TENM3: variants seen among roughly 807,000 people sequenced by gnomAD.
TENM3 encodes the protein teneurin transmembrane protein 3.
Under a neutral mutation model 255.1 loss-of-function variants are expected in TENM3, and 63 were observed. That is an observed-to-expected ratio of 0.25 (90% confidence interval 0.20 to 0.30). TENM3 has a LOEUF of 0.30. Among genes scored for constraint, TENM3 ranks in the 10% least tolerant of loss-of-function variants. The probability of loss-of-function intolerance (pLI) is 1.00; values close to 1 mark genes in which losing one functional copy is unlikely to be tolerated. For synonymous variants in TENM3, 1,306 were observed against 1,322.3 expected (o/e 0.99, Z 0.27); for missense variants, 2,929 against 3,461.1 (o/e 0.85, Z 3.86).
the TENM3 span, among the ~76,000 whole-genome samples, chr4:181,555,144 A>G: frequency 2.0e-5 from 3 of 152,214 alleles, no homozygotes; most frequent in Admixed American, 2.0e-4. Flanking sequence ...CCTACATGGT[A>G]GGCAGACCAA....
At chr4:182,765,369 C>T (rs991838690) in intron 22 of TENM3, among the ~76,000 whole-genome samples, 3 of 152,164 alleles carry the variant, frequency 2.0e-5, no homozygotes, top group African/African-American at 7.2e-5. Flanking sequence ...CCACTTTCTC[C>T]TACTGGATAC....
chr4:182,443,318 G>A (rs909263590), intron 3 of TENM3, among the ~76,000 whole-genome samples: 6 of 152,116 alleles, frequency 3.9e-5, no homozygotes, highest in African/African-American at 1.4e-4. Flanking sequence ...TGAATCCAAT[G>A]TGCCAGGGAT....
In TENM3 at chr4:182,492,044, A is replaced by G. The variant is rs142890181; in HGVS notation, c.512-108880A>G. Among the ~76,000 whole-genome samples, 19 of 152,310 alleles carry G rather than the reference A, an allele frequency of 1.2e-4. No homozygotes were observed. In the East Asian group the frequency reaches 3.5e-3, roughly 28 times the overall value. ...GCAGGTGTGCTGAGCTGAAGGAAGA[A>G]GATGGATGGGGACAGAGTATAGAAA... On this transcript the variant is annotated intron_variant, in intron 3 of 27. Coordinates refer to ENST00000511685, the MANE Select transcript of TENM3 (RefSeq NM_001080477.4).
chr4:182,780,346 G>A (rs1466596057), intron 24 of TENM3, among the ~76,000 whole-genome samples: 1 of 125,668 alleles, frequency 8.0e-6, no homozygotes, highest in Non-Finnish European at 1.6e-5. Context: ...TCTCAGGTTT[G>A]TCAAAGATCA....
chr4:181,576,404 T>G, the TENM3 span, among the ~76,000 whole-genome samples: 10 of 152,172 alleles, frequency 6.6e-5, no homozygotes, highest in African/African-American at 2.2e-4. Context: ...GCAGATGTCT[T>G]TTTGCTCTAA....
chr4:182,203,822 G>A (rs1053634604), intron 1 of TENM3, among the ~76,000 whole-genome samples: 1 of 152,206 alleles, frequency 6.6e-6, no homozygotes, highest in Non-Finnish European at 1.5e-5. Flanking sequence ...TATCACCATT[G>A]CCTGGGCATA....
At chr4:181,630,484 A>C in the TENM3 span, among the ~76,000 whole-genome samples, 6 of 152,136 alleles carry the variant, frequency 3.9e-5, no homozygotes, top group South Asian at 2.1e-4. Context: ...TTAGTGCTAT[A>C]AATTTCCCTC....
At chr4:182,326,508 A>T (rs577564047) in intron 2 of TENM3, among the ~76,000 whole-genome samples, 102 of 138,766 alleles carry the variant, frequency 7.4e-4, no homozygotes, top group African/African-American at 2.7e-3. Flanking sequence ...GATTTATTGC[A>T]GTCAATTTTT....
chr4:182,432,037 C>T (rs1446364069), intron 3 of TENM3, among the ~76,000 whole-genome samples: 1 of 147,448 alleles, frequency 6.8e-6, no homozygotes, highest in Non-Finnish European at 1.5e-5. Context: ...GATCCGAGAT[C>T]GCGCTACTGC....
intron 3 of TENM3, among the ~76,000 whole-genome samples, chr4:182,400,434 A>T (rs1769143992): frequency 6.6e-6 from 1 of 152,300 alleles, no homozygotes; most frequent in East Asian, 1.9e-4. Flanking sequence ...TCATTACATG[A>T]CATTTTTCTG....
At chr4:182,304,464 G>T (rs547317117) in intron 1 of TENM3, among the ~76,000 whole-genome samples, 1 of 152,066 alleles carries the variant, frequency 6.6e-6, no homozygotes, top group African/African-American at 2.4e-5. Context: ...CACCCGCCTC[G>T]GCCTCCCTAA....
the TENM3 span, among the ~76,000 whole-genome samples, chr4:181,470,127 A>AAAAAAAAAAAAAAAAAAAAAG: frequency 7.2e-6 from 1 of 138,958 alleles, no homozygotes; most frequent in African/African-American, 2.7e-5. Context: ...AAAAAAAAAC[A>AAAAAAAAAAAAAAAAAAAAAG]TTATTCAAAA....
chr4:182,141,443 CACA>C (rs950138197), upstream of TENM3: 1 of 152,202 alleles, frequency 6.6e-6, no homozygotes, highest in African/African-American at 2.4e-5. Context: ...TTTGGCACTG[CACA>C]ACATCAGCTT....
intron 1 of TENM3, among the ~76,000 whole-genome samples, chr4:182,319,984 G>A (rs762902766): frequency 1.1e-4 from 17 of 152,140 alleles, no homozygotes; most frequent in Admixed American, 3.3e-4. Flanking sequence ...GTGGTGGCAC[G>A]CGCCTGTAAT....
At chr4:182,077,225 T>C in the TENM3 span, among the ~76,000 whole-genome samples, 1 of 152,200 alleles carries the variant, frequency 6.6e-6, no homozygotes, top group Non-Finnish European at 1.5e-5. Flanking sequence ...TTCATTGTCT[T>C]GTACTGCCAC....
At position 182,333,332 on chromosome 4, in the gene TENM3, G is replaced by A. The variant is rs1166367915; in HGVS notation, c.232+9080G>A. ...GTGTAAAAATTCAAAACAAGTATTT[G>A]CATTTAAGAATCCAGCAATATATAA... On this transcript the variant is annotated intron_variant, in intron 2 of 27. Transcript: ENST00000511685. Among the ~76,000 whole-genome samples, 36 of 152,106 alleles carry A rather than the reference G, an allele frequency of 2.4e-4. 1 individual carries two copies. Among genetic ancestry groups the A allele is most frequent in the Admixed American group, 2.4e-3 (36 of 15,272 alleles).
the TENM3 span, among the ~76,000 whole-genome samples, chr4:181,734,342 C>T: frequency 2.0e-5 from 3 of 151,664 alleles, no homozygotes; most frequent in Admixed American, 6.6e-5. Context: ...CACAGCATAG[C>T]GCTCACCACT....
chr4:182,725,517 ATT>A lies in TENM3; in HGVS notation c.2369-3447_2369-3446del, dbSNP rs376314700. ...GTATAGTCTTTCTTCCACTAGAAAT[ATT>A]GAGAAATATTTATACATTTTTCATC... On this transcript the variant is annotated intron_variant, in intron 13 of 27. Coordinates refer to ENST00000511685, the MANE Select transcript of TENM3 (RefSeq NM_001080477.4). Among the ~76,000 whole-genome samples, 21 of 152,234 alleles carry A rather than the reference ATT, an allele frequency of 1.4e-4. No individual in the cohort carries two copies. The East Asian group carries it at 1.5e-3, about 11-fold the overall frequency.
chr4:181,816,650 C>T, the TENM3 span, among the ~76,000 whole-genome samples: 1 of 152,162 alleles, frequency 6.6e-6, no homozygotes, highest in African/African-American at 2.4e-5. Context: ...CAACTGGGTC[C>T]TTTGCTGATT....
Sources: allele counts gnomAD v4.1 joint callset (sites outside exome capture counted in the v4.1 genomes callset), GRCh38; gene constraint gnomAD v4.1.1; transcripts MANE v1.5; gene names NCBI Gene and HGNC (gene_info 2026-07-23, HGNC 2026-07-21).